The following PLA2G4F variants were observed in gnomAD, a reference collection of about 807,000 sequenced individuals.
PLA2G4F encodes cytosolic phospholipase A2 zeta.
PLA2G4F carries 105 observed loss-of-function variants against 103.1 expected under a neutral mutation model. The ratio of observed to expected loss-of-function variants is 1.02; its 90% CI spans 0.87 to 1.20. The LOEUF (loss-of-function observed/expected upper bound fraction) is 1.20, where lower values mean the gene tolerates loss of function less well. Among genes scored for constraint, PLA2G4F ranks in the 50% most tolerant of loss-of-function variants. The probability of loss-of-function intolerance (pLI) is 0.00; values close to 1 mark genes in which losing one functional copy is unlikely to be tolerated. For missense variants in PLA2G4F, 1,155 were observed against 1,075.9 expected (o/e 1.07, Z -1.03); for synonymous variants, 468 against 441.1 (o/e 1.06, Z -0.76).
In PLA2G4F at chr15:42,145,908, G is replaced by A; in HGVS notation, c.1535-5C>T. 1 of 1,613,504 alleles carries A rather than the reference G, an allele frequency of 6.2e-7. No homozygotes were observed. The highest frequency in any genetic ancestry group is 8.5e-7 in the Non-Finnish European group (1 of 1,179,702). ...AGGGCGTGAACTCGCACCACTCTAG[G>A]GGCCCGAGTGAAGGGAAAGTCACCA... On this transcript the variant is annotated splice_polypyrimidine_tract_variant and splice_region_variant and intron_variant, in intron 14 of 19. Transcript: ENST00000397272.
intron 2 of PLA2G4F, 128 bp from the exon 3 acceptor site, chr15:42,154,586 G>T: frequency 1.8e-6 from 2 of 1,083,352 alleles, no homozygotes; most frequent in Non-Finnish European, 2.5e-6. Context: ...GCATGGTGGG[G>T]TGAGGAGGTG....
intron 7 of PLA2G4F, 39 bp from the exon 8 acceptor site, chr15:42,150,816 GGTGGGTCT>G (rs765403245): frequency 1.3e-6 from 2 of 1,586,072 alleles, no homozygotes; most frequent in African/African-American, 2.7e-5. Context: ...CAGGTGAGGG[GGTGGGTCT>G]GTGTCTCTGC....
intron 10 of PLA2G4F, 121 bp from the exon 11 acceptor site, chr15:42,149,969 C>T: frequency 6.5e-7 from 1 of 1,530,900 alleles, no homozygotes; most frequent in Non-Finnish European, 9.0e-7. Flanking sequence ...CCACCAGCAC[C>T]AGAACCAGGG....
chr15:42,146,209 C>T lies in PLA2G4F; in HGVS notation c.1452G>A (p.Glu484=), dbSNP rs1312528815. Residue 484 remains glutamate, a synonymous_variant, in exon 14 of 20, where the codon GAG becomes GAA. Coordinates refer to ENST00000397272, the MANE Select transcript of PLA2G4F (RefSeq NM_213600.4). ...ENPAKLSDQQ[E]AVRQGQNPYP... is the part of the protein sequence containing the mutation. ...AAGGGTTCTGACCCTGGCGGACCGC[C>T]TCCTGTTGGTCAGACAGCTTGGCAG... The T allele has an allele frequency of 6.2e-7, 1 of 1,614,250 alleles. No homozygotes were observed. The highest frequency in any genetic ancestry group is 2.2e-5 in the East Asian group (1 of 44,884).
intron 5 of PLA2G4F, 99 bp from the exon 6 acceptor site, chr15:42,153,441 C>A: frequency 1.2e-5 from 18 of 1,525,476 alleles, no homozygotes; most frequent in Non-Finnish European, 1.3e-5. Context: ...GCATGAGGAA[C>A]ACAGCAGGGT....
intron 11 of PLA2G4F, among the ~76,000 whole-genome samples, chr15:42,148,050 G>C (rs2048912903): frequency 6.6e-6 from 1 of 152,064 alleles, no homozygotes; most frequent in African/African-American, 2.4e-5. Context: ...ATGGTGGTGG[G>C]CGCCTGCCTG....
At position 42,154,389 on chromosome 15, in the gene PLA2G4F, A is replaced by G; in HGVS notation, c.254T>C (p.Ile85Thr). 4 of 1,612,250 alleles carry G rather than the reference A, an allele frequency of 2.5e-6. No individual in the cohort carries two copies. Among genetic ancestry groups the G allele is most frequent in the Non-Finnish European group, 3.4e-6 (4 of 1,178,794 alleles). ...CTCGGGGTCACTGCAGTTGGCCACT[A>G]TCCTAGTCTGGGCAGGGCTTGGGGA... Reference protein sequence around the residue: ...TASPSPAQTRIVANCSDPEWN... With the variant: ...TASPSPAQTRTVANCSDPEWN... Residue 85 changes from isoleucine (I) to threonine (T), a missense_variant, in exon 3 of 20, where the codon ATA becomes ACA. Around this residue, in one of 3 missense-constraint regions of PLA2G4F, gnomAD observed 370 missense variants for 364.9 expected, o/e 1.01. Coordinates refer to ENST00000397272, the MANE Select transcript of PLA2G4F (RefSeq NM_213600.4).
intron 11 of PLA2G4F, chr15:42,148,927 T>C (rs898945496): frequency 2.7e-5 from 27 of 985,236 alleles, no homozygotes; most frequent in African/African-American, 1.0e-4. Flanking sequence ...AGGGCATACA[T>C]ATTGCCCCAA....
intron 18 of PLA2G4F, among the ~76,000 whole-genome samples, chr15:42,142,933 C>T (rs755674158): frequency 1.3e-5 from 2 of 152,040 alleles, no homozygotes; most frequent in African/African-American, 2.4e-5. Context: ...GTAATCCCAG[C>T]ACTTTGGGAG....
intron 11 of PLA2G4F, 102 bp from the exon 12 acceptor site, chr15:42,147,864 T>A: frequency 6.7e-7 from 1 of 1,481,624 alleles, no homozygotes; most frequent in Non-Finnish European, 9.1e-7. Flanking sequence ...TTACACGTAT[T>A]ATCTCATTGA....
chr15:42,150,668 C>A lies in PLA2G4F; in HGVS notation c.711G>T (p.Val237=). ...GTAGCCTGGAGCTCAGCACTGGGTT[C>A]ACGTGGAAGGTAAAGGTGGGTGGGA... is the stretch of plus-strand genomic sequence containing the variant. ...PGLPPTFTFH[V]NPVLSSRLHV... is the part of the protein sequence containing the mutation. The change falls in exon 8 of 20, where the codon GTG becomes GTT. Residue 237 remains valine (V), a synonymous_variant. Coordinates refer to ENST00000397272, the MANE Select transcript of PLA2G4F (RefSeq NM_213600.4). 6.2e-7 allele frequency: 1 copy of A among 1,613,832 alleles called. No homozygotes were observed. Among genetic ancestry groups the A allele is most frequent in the Non-Finnish European group, 8.5e-7 (1 of 1,179,924 alleles).
At position 42,145,570 on chromosome 15, in the gene PLA2G4F, C is replaced by G. The variant is rs749057320; in HGVS notation, c.1780+5G>C. On this transcript the variant is annotated splice_donor_5th_base_variant and intron_variant, in intron 16 of 19. Coordinates refer to ENST00000397272, the MANE Select transcript of PLA2G4F (RefSeq NM_213600.4). ...GTGGGAGGGGCTCGGGGTCGCTACC[C>G]TCACCTGTGATATTCACACTGCCTC... is the stretch of plus-strand genomic sequence containing the variant. 1.9e-6 allele frequency: 3 copies of G among 1,613,528 alleles called. No individual in the cohort carries two copies. The South Asian group carries it at 3.3e-5, about 18-fold the overall frequency.
In PLA2G4F at chr15:42,142,707, T is replaced by C. The variant is rs144100358; in HGVS notation, c.2150A>G (p.Lys717Arg). Residue 717 changes from lysine to arginine, a missense_variant, in exon 19 of 20, where the codon AAG (lysine) becomes AGG (arginine). Lys to Arg is a conservative substitution (Grantham distance 26, BLOSUM62 2). Transcript: ENST00000397272. ...GTCCAGGCAGTACTTCTCTGTCATC[T>C]TCAAGACCTGAGCAGGAGCAAGCCT... ...YSLEAPFEVLKMTEKYCLDRG... is the reference protein window; with the variant it reads ...YSLEAPFEVLRMTEKYCLDRG... 1.2e-3 allele frequency: 1,931 copies of C among 1,613,986 alleles called. 23 individuals are homozygous for C. The African/African-American group carries it at 0.022, about 19-fold the overall frequency.
In PLA2G4F at chr15:42,153,664, C is replaced by T; in HGVS notation, c.451-4G>A. On this transcript the variant is annotated splice_polypyrimidine_tract_variant and splice_region_variant and intron_variant, in intron 4 of 19. Coordinates refer to ENST00000397272, the MANE Select transcript of PLA2G4F (RefSeq NM_213600.4). ...CCACCTGCAGCTCTTGTGAATCCTA[C>T]ATGGAGGGGGAGGGAGCACCAATTT... 6.2e-7 allele frequency: 1 copy of T among 1,614,162 alleles called. No individual in the cohort carries two copies. The highest frequency in any genetic ancestry group is 8.5e-7 in the Non-Finnish European group (1 of 1,180,018).
Position 42,144,142 on chromosome 15 carries a change from T to C in PLA2G4F, c.1978A>G (p.Thr660Ala). Residue 660 changes from threonine to alanine, a missense_variant and splice_region_variant, in exon 18 of 20, where the codon ACA becomes GCA. Coordinates refer to ENST00000397272, the MANE Select transcript of PLA2G4F (RefSeq NM_213600.4). ...TGGTTGGGGAAGGCGTCCGGGTGTG[T>C]GTCTGCAAGGAACCCATGTGTACGC... Reference protein sequence around the residue: ...AGREFVAWKDTHPDAFPNQLT... With the variant: ...AGREFVAWKDAHPDAFPNQLT... The C allele has an allele frequency of 6.2e-7, 1 of 1,607,432 alleles. No individual in the cohort carries two copies. Among genetic ancestry groups the C allele is most frequent in the South Asian group, 1.1e-5 (1 of 89,926 alleles).
rs201621023 is a variant in PLA2G4F at position 42,150,328 on chromosome 15, C to G, written c.885+45G>C. The G allele has an allele frequency of 8.2e-5, 128 of 1,558,722 alleles. No individual in the cohort carries two copies. The African/African-American group carries it at 1.6e-3, about 20-fold the overall frequency. ...TCCTCCAGACCTCTCTTGGTGGTCA[C>G]AGAGAGCAGGCAGGGGTCCCTCTGG... On this transcript the variant is annotated intron_variant, in intron 9 of 19. Coordinates refer to ENST00000397272, the MANE Select transcript of PLA2G4F (RefSeq NM_213600.4).
In PLA2G4F at chr15:42,141,501, C is replaced by T; in HGVS notation, c.*483G>A. The T allele has an allele frequency of 2.3e-6, 1 of 442,306 alleles. No homozygotes were observed. Among genetic ancestry groups the T allele is most frequent in the South Asian group, 1.6e-5 (1 of 61,998 alleles). 27.4% of individuals were successfully genotyped at this position (442,306 alleles called of 1,614,324 possible). ...CTCATTGTTCTTGATAGCAGTGCATCCAGGAGCTCGAGGTGGGGTTGGGGC... is the reference window on the plus strand; with the variant it reads ...CTCATTGTTCTTGATAGCAGTGCATTCAGGAGCTCGAGGTGGGGTTGGGGC... On this transcript the variant is annotated 3_prime_UTR_variant, in exon 20 of 20. Transcript: ENST00000397272.
At chr15:42,146,298 C>T (rs909489574) in intron 13 of PLA2G4F, 57 bp from the exon 14 acceptor site, 57 of 1,532,454 alleles carry the variant, frequency 3.7e-5, no homozygotes, top group South Asian at 2.2e-4. Flanking sequence ...TCCCCATCCC[C>T]GTGGCCTGGG....
intron 6 of PLA2G4F, 108 bp downstream of exon 6, chr15:42,153,192 A>C: frequency 1.5e-6 from 2 of 1,290,576 alleles, no homozygotes; most frequent in South Asian, 1.4e-5. Context: ...CTCCCCTCCG[A>C]GGAGGGCTTG....
Sources: gnomAD v4.1 joint callset for allele counts (sites outside exome capture counted in the v4.1 genomes callset) on GRCh38, gnomAD v4.1.1 for gene constraint, gnomAD v4.1.1 regional missense constraint, MANE v1.5 for transcripts, NCBI Gene and HGNC (gene_info 2026-07-23, HGNC 2026-07-21) for gene names.